The following NKAIN3 variants were observed in gnomAD, a reference collection of about 807,000 sequenced individuals.
The protein encoded by NKAIN3 is sodium/potassium-transporting ATPase subunit beta-1-interacting protein 3.
Under a neutral mutation model 30.2 loss-of-function variants are expected in NKAIN3, and 25 were observed. That is an observed-to-expected ratio of 0.83 (90% confidence interval 0.60 to 1.16). NKAIN3 has a LOEUF of 1.16. Among genes scored for constraint, NKAIN3 ranks in the 50% most tolerant of loss-of-function variants. NKAIN3 has a pLI of 0.00. For missense variants in NKAIN3, 225 were observed against 254.1 expected (o/e 0.89, Z 0.78); for synonymous variants, 91 against 89.6 (o/e 1.02, Z -0.09).
intron 1 of NKAIN3, among the ~76,000 whole-genome samples, chr8:62,451,500 G>C (rs1805642133): frequency 6.6e-6 from 1 of 152,058 alleles, no homozygotes; most frequent in South Asian, 2.1e-4. Flanking sequence ...CATAAATCAG[G>C]AGAACGTATA....
intron 1 of NKAIN3, among the ~76,000 whole-genome samples, chr8:62,287,761 C>A (rs1813427652): frequency 6.6e-6 from 1 of 152,050 alleles, no homozygotes; most frequent in African/African-American, 2.4e-5. Flanking sequence ...AGAAAAAGTG[C>A]ACATTCTTAA....
chr8:62,320,400 G>A (rs1234754108), intron 1 of NKAIN3, among the ~76,000 whole-genome samples: 5 of 151,984 alleles, frequency 3.3e-5, no homozygotes, highest in African/African-American at 4.8e-5. Flanking sequence ...TATTTTGCTC[G>A]TTAGTTGATG....
intron 5 of NKAIN3, among the ~76,000 whole-genome samples, chr8:62,942,273 T>TATATATATACAC (rs1458041615): frequency 9.2e-6 from 1 of 109,076 alleles, no homozygotes; most frequent in Non-Finnish European, 1.9e-5. Context: ...TATATATACA[T>TATATATATACAC]ATATATATAC....
intron 4 of NKAIN3, among the ~76,000 whole-genome samples, chr8:62,840,788 A>G (rs1819507461): frequency 6.6e-6 from 1 of 152,144 alleles, no homozygotes. Context: ...GGAAGGGGAA[A>G]ATGTCTCTAT....
chr8:62,545,515 G>A (rs1808975900), intron 1 of NKAIN3, among the ~76,000 whole-genome samples: 1 of 152,194 alleles, frequency 6.6e-6, no homozygotes, highest in Non-Finnish European at 1.5e-5. Context: ...GTTGCAGTGA[G>A]CTGAGATCAT....
At chr8:62,293,502 T>C (rs111643954) in intron 1 of NKAIN3, among the ~76,000 whole-genome samples, 9,484 of 152,266 alleles carry the variant, frequency 0.062, 987 homozygotes, top group African/African-American at 0.21. Context: ...TGGAGGTCCA[T>C]TCCAGACCCT....
intron 1 of NKAIN3, among the ~76,000 whole-genome samples, chr8:62,399,884 T>C (rs1817880893): frequency 1.3e-5 from 2 of 152,156 alleles, no homozygotes; most frequent in Admixed American, 6.5e-5. Context: ...GTCTCAGAGA[T>C]GTGCAAGCTT....
At chr8:62,788,974 C>T (rs1817615077) in intron 4 of NKAIN3, among the ~76,000 whole-genome samples, 1 of 152,096 alleles carries the variant, frequency 6.6e-6, no homozygotes, top group Non-Finnish European at 1.5e-5. Flanking sequence ...CATGATGCCT[C>T]CAGCTTTGTT....
chr8:62,709,309 TTGAA>T (rs1163056502), intron 3 of NKAIN3, among the ~76,000 whole-genome samples: 1 of 152,128 alleles, frequency 6.6e-6, no homozygotes, highest in Non-Finnish European at 1.5e-5. Flanking sequence ...CAATTCTTCT[TTGAA>T]TGGCTGGTAT....
At chr8:62,827,307 A>G (rs1056925120) in intron 4 of NKAIN3, among the ~76,000 whole-genome samples, 1 of 152,210 alleles carries the variant, frequency 6.6e-6, no homozygotes, top group Non-Finnish European at 1.5e-5. Context: ...AAGGACTTCC[A>G]TTTCTCACAA....
intron 3 of NKAIN3, among the ~76,000 whole-genome samples, chr8:62,684,854 G>A (rs1186073403): frequency 1.3e-5 from 2 of 152,158 alleles, no homozygotes; most frequent in South Asian, 2.1e-4. Context: ...AGCAGAAGAA[G>A]ATGGCCAGCT....
intron 1 of NKAIN3, among the ~76,000 whole-genome samples, chr8:62,361,389 C>T (rs893539395): frequency 2.6e-5 from 4 of 152,166 alleles, no homozygotes; most frequent in African/African-American, 9.7e-5. Flanking sequence ...TATTTCCTTC[C>T]TTCCACTAAT....
intron 1 of NKAIN3, among the ~76,000 whole-genome samples, chr8:62,489,893 A>T (rs1807016945): frequency 6.6e-6 from 1 of 152,210 alleles, no homozygotes; most frequent in Non-Finnish European, 1.5e-5. Flanking sequence ...TCTGGCTTCC[A>T]GTTCAACTTC....
chr8:62,882,048 T>G (rs983664664), intron 4 of NKAIN3, among the ~76,000 whole-genome samples: 2 of 152,216 alleles, frequency 1.3e-5, no homozygotes, highest in African/African-American at 4.8e-5. Flanking sequence ...GTATATCTTG[T>G]TTGGTGAGCT....
At chr8:62,590,284 A>G (rs969927498) in intron 3 of NKAIN3, among the ~76,000 whole-genome samples, 2 of 151,906 alleles carry the variant, frequency 1.3e-5, no homozygotes, top group African/African-American at 4.8e-5. Context: ...TTTACTAAGA[A>G]GTAAATGCAT....
At chr8:62,942,551 C>G (rs1287569107) in intron 5 of NKAIN3, among the ~76,000 whole-genome samples, 1 of 149,746 alleles carries the variant, frequency 6.7e-6, no homozygotes, top group Non-Finnish European at 1.5e-5. Flanking sequence ...CATGTGGAAC[C>G]AAAAAAGAGC....
intron 1 of NKAIN3, among the ~76,000 whole-genome samples, chr8:62,455,824 G>A (rs534724639): frequency 9.0e-4 from 137 of 152,284 alleles, no homozygotes; most frequent in Middle Eastern, 3.4e-3. Context: ...ATTTCATTTT[G>A]TCTGTTCTTC....
Position 62,897,941 on chromosome 8 carries a change from T to C in NKAIN3, c.472-20512T>C, listed in dbSNP as rs530540476. 5.3e-5 allele frequency among the ~76,000 whole-genome samples: 8 copies of C among 152,292 alleles called. 1 individual carries two copies. The highest frequency in any genetic ancestry group is 3.3e-4 in the Admixed American group (5 of 15,294). ...ACTCTGAACATTCCAGCCATCAGAA[T>C]TGTAAGCCAAATTAATATATTTTCT... On this transcript the variant is annotated intron_variant, in intron 4 of 6. Coordinates refer to ENST00000623646, the MANE Select transcript of NKAIN3 (RefSeq NM_001304533.3).
chr8:62,645,885 A>G (rs951503876), intron 3 of NKAIN3, among the ~76,000 whole-genome samples: 1 of 152,176 alleles, frequency 6.6e-6, no homozygotes, highest in African/African-American at 2.4e-5. Flanking sequence ...CTCACAAAAC[A>G]ACTTTCAAAA....
Sources: gnomAD v4.1 joint callset for allele counts (sites outside exome capture counted in the v4.1 genomes callset) on GRCh38, gnomAD v4.1.1 for gene constraint, MANE v1.5 for transcripts, NCBI Gene and HGNC (gene_info 2026-07-23, HGNC 2026-07-21) for gene names.